Variants in MARCHF5 observed in about 807,000 individuals in gnomAD.
MARCHF5 encodes E3 ubiquitin-protein ligase MARCHF5.
MARCHF5 carries 5 observed loss-of-function variants against 36.5 expected under a neutral mutation model. The observed-to-expected ratio is 0.14, with a 90% CI of 0.07 to 0.29. The LOEUF (loss-of-function observed/expected upper bound fraction) is 0.29. Ranked by LOEUF, MARCHF5 falls within the 10% of genes least tolerant of loss-of-function variation. MARCHF5 has a pLI of 1.00. For missense variants in MARCHF5, 179 were observed against 336.3 expected (o/e 0.53, Z 3.66); for synonymous variants, 103 against 109.9 (o/e 0.94, Z 0.39).
rs1590637820 is a variant in MARCHF5 at position 92,291,456 on chromosome 10, G to A, written c.-39G>A. 6.6e-7 allele frequency: 1 copy of A among 1,511,366 alleles called. No homozygotes were observed. The highest frequency in any genetic ancestry group is 1.4e-5 in the African/African-American group (1 of 72,190). 93.6% of individuals were successfully genotyped at this position (1,511,366 alleles called of 1,614,324 possible). On this transcript the variant is annotated 5_prime_UTR_variant, in exon 1 of 6. Coordinates refer to ENST00000358935, the MANE Select transcript of MARCHF5 (RefSeq NM_017824.5). Reference sequence around the variant, plus strand: ...TGTCCCTGGGCCTGGCCTTGAGCGGGTCCACTGGGGAAGGCCGTGTGCGCC... The same window carrying A: ...TGTCCCTGGGCCTGGCCTTGAGCGGATCCACTGGGGAAGGCCGTGTGCGCC...
intron 1 of MARCHF5, among the ~76,000 whole-genome samples, chr10:92,305,074 T>A (rs981063966): frequency 6.6e-6 from 1 of 152,192 alleles, no homozygotes; most frequent in Admixed American, 6.5e-5. Context: ...ATGTTTACAG[T>A]GAGCATAAAA....
intron 3 of MARCHF5, among the ~76,000 whole-genome samples, chr10:92,345,697 CTT>C (rs34971275): frequency 3.2e-5 from 4 of 123,622 alleles, no homozygotes; most frequent in Non-Finnish European, 3.3e-5. Context: ...TTTTTTTTTT[CTT>C]TTTTTTTTTT....
chr10:92,318,689 A>C (rs1013304716), intron 2 of MARCHF5, among the ~76,000 whole-genome samples: 1 of 151,748 alleles, frequency 6.6e-6, no homozygotes, highest in African/African-American at 2.4e-5. Context: ...CTTAGGGGGA[A>C]ATCATCCAAT....
intron 1 of MARCHF5, among the ~76,000 whole-genome samples, chr10:92,310,732 G>T (rs1007619300): frequency 4.6e-5 from 7 of 152,088 alleles, no homozygotes; most frequent in Non-Finnish European, 8.8e-5. Context: ...AAGTTCAAGG[G>T]ATTGGTGGTG....
chr10:92,302,449 T>C (rs781058365), intron 1 of MARCHF5, among the ~76,000 whole-genome samples: 23 of 588 alleles, frequency 0.039, no homozygotes, highest in Non-Finnish European at 0.33. Context: ...TTTTTTTTTC[T>C]TTTTTTTTTT....
In MARCHF5 at chr10:92,330,924, T is replaced by C. The variant is rs1292499953; in HGVS notation, c.239-9749T>C. Among the ~76,000 whole-genome samples the C allele has an allele frequency of 2.0e-5, 3 of 152,152 alleles. No homozygotes were observed. The East Asian group carries it at 5.8e-4, about 29-fold the overall frequency. ...TTTTGTTACAGCCTAATGAGCCTAATACACAACCTTCTCATATACAGGGAA... is the reference window on the plus strand; with the variant it reads ...TTTTGTTACAGCCTAATGAGCCTAACACACAACCTTCTCATATACAGGGAA... On this transcript the variant is annotated intron_variant, in intron 2 of 5. Transcript: ENST00000358935.
intron 2 of MARCHF5, chr10:92,333,511 CT>C (rs1843465062): frequency 7.1e-6 from 2 of 282,802 alleles, no homozygotes; most frequent in African/African-American, 4.6e-5. Context: ...CCCTTGCCCC[CT>C]GGGAGTTTTC....
chr10:92,295,407 A>AT (rs1474666242), intron 1 of MARCHF5, among the ~76,000 whole-genome samples: 4,591 of 77,766 alleles, frequency 0.059, 226 homozygotes, highest in Non-Finnish European at 0.083. Context: ...TTATTTATTT[A>AT]TTTTTTATTT....
At chr10:92,350,638 A>T (rs553704384) in intron 5 of MARCHF5, among the ~76,000 whole-genome samples, 2 of 152,220 alleles carry the variant, frequency 1.3e-5, no homozygotes, top group Non-Finnish European at 2.9e-5. Flanking sequence ...GATGGCCCCC[A>T]GCAAACCCTT....
chr10:92,293,671 T>A, intron 1 of MARCHF5, among the ~76,000 whole-genome samples: 1 of 148,726 alleles, frequency 6.7e-6, no homozygotes. Flanking sequence ...TAGTTCCAAC[T>A]CTCGGGAGGC....
chr10:92,291,893 G>C (rs1842874833), intron 1 of MARCHF5, among the ~76,000 whole-genome samples: 1 of 152,060 alleles, frequency 6.6e-6, no homozygotes, highest in Non-Finnish European at 1.5e-5. Flanking sequence ...GCAAGAACCG[G>C]GTTATCTTTC....
At chr10:92,343,857 C>G (rs991971038) in intron 3 of MARCHF5, among the ~76,000 whole-genome samples, 2 of 152,242 alleles carry the variant, frequency 1.3e-5, no homozygotes, top group African/African-American at 4.8e-5. Flanking sequence ...GTGTGAGCCA[C>G]TGCACCCGGC....
intron 2 of MARCHF5, among the ~76,000 whole-genome samples, chr10:92,327,308 C>CT (rs200392421): frequency 0.21 from 30,066 of 140,128 alleles, 3,771 homozygotes; most frequent in African/African-American, 0.36. Flanking sequence ...ATATGAAGAG[C>CT]TTTTTTTTTT....
chr10:92,314,304 C>T lies in MARCHF5; in HGVS notation c.238+2967C>T, dbSNP rs144162355. On this transcript the variant is annotated intron_variant, in intron 2 of 5. Coordinates refer to ENST00000358935, the MANE Select transcript of MARCHF5 (RefSeq NM_017824.5). ...ATAGAGGTATGGCACTTGAGTTAGC[C>T]GCTTAAAATCATAGATATGTTTTAA... is the stretch of plus-strand genomic sequence containing the variant. 1.8e-4 allele frequency among the ~76,000 whole-genome samples: 28 copies of T among 152,140 alleles called. No individual in the cohort carries two copies. In the East Asian group the frequency reaches 4.1e-3, roughly 22 times the overall value.
chr10:92,298,635 A>G (rs140490818), intron 1 of MARCHF5, among the ~76,000 whole-genome samples: 1,718 of 152,214 alleles, frequency 0.011, 14 homozygotes, highest in Middle Eastern at 0.024. Flanking sequence ...GCAGTGGCCC[A>G]TCTCGGCTTA....
At chr10:92,341,491 C>T (rs1843576776) in intron 3 of MARCHF5, among the ~76,000 whole-genome samples, 1 of 152,070 alleles carries the variant, frequency 6.6e-6, no homozygotes, top group African/African-American at 2.4e-5. Flanking sequence ...CAATCAGTAA[C>T]TGCTGCTGAA....
At chr10:92,333,415 A>T (rs1228950862) in intron 2 of MARCHF5, 1 of 152,268 alleles carries the variant, frequency 6.6e-6, no homozygotes, top group African/African-American at 2.4e-5. Context: ...GAGTGATGCC[A>T]ATCATCATTA....
At chr10:92,300,180 G>T (rs973027785) in intron 1 of MARCHF5, among the ~76,000 whole-genome samples, 5 of 148,962 alleles carry the variant, frequency 3.4e-5, no homozygotes, top group African/African-American at 1.2e-4. Flanking sequence ...AAAAAGAAAA[G>T]AAAAGAAAAA....
At chr10:92,345,335 A>ACCCC (rs1843629198) in intron 3 of MARCHF5, among the ~76,000 whole-genome samples, 1 of 151,624 alleles carries the variant, frequency 6.6e-6, no homozygotes, top group Non-Finnish European at 1.5e-5. Context: ...ACATGATGAA[A>ACCCC]CCCCATCTCT....
Sources: gnomAD v4.1 joint callset for allele counts (sites outside exome capture counted in the v4.1 genomes callset) on GRCh38, gnomAD v4.1.1 for gene constraint, MANE v1.5 for transcripts, NCBI Gene and HGNC (gene_info 2026-07-23, HGNC 2026-07-21) for gene names.